Variants in DOP1B observed in about 807,000 individuals in gnomAD.
DOP1B encodes the protein protein DOP1B.
DOP1B carries 174 observed loss-of-function variants against 233.5 expected under a neutral mutation model. That is an observed-to-expected ratio of 0.75 (90% CI 0.66 to 0.85). DOP1B has a LOEUF of 0.85. Ranked by LOEUF, DOP1B falls within the 40% of genes least tolerant of loss-of-function variation. DOP1B has a pLI of 0.00. For missense variants in DOP1B, 2,652 were observed against 2,846.6 expected, an observed-to-expected ratio of 0.93 and a Z score of 1.56; for synonymous variants, 1,190 against 1,185.6, an observed-to-expected ratio of 1.00 and a Z score of -0.08.
chr21:36,240,099 A>C lies in DOP1B; in HGVS notation c.3067+144A>C, dbSNP rs2066876255. The C allele has an allele frequency of 5.2e-6, 5 of 959,046 alleles. No individual in the cohort carries two copies. The South Asian group carries it at 8.9e-5, about 17-fold the overall frequency. 59.4% of individuals were successfully genotyped at this position (959,046 alleles called of 1,614,324 possible). ...TTTGTAAATTGTGAGGACTTCGGCA[A>C]TTTAAGGACCTAGTGATCTAGCATT... On this transcript the variant is annotated intron_variant, in intron 18 of 36. Transcript: ENST00000691173.
intron 2 of DOP1B, among the ~76,000 whole-genome samples, chr21:36,176,108 G>GTGTGTGTGTGCGTGTA (rs2066026523): frequency 1.3e-5 from 2 of 151,916 alleles, no homozygotes; most frequent in African/African-American, 2.4e-5. Flanking sequence ...GTGTGTGTGT[G>GTGTGTGTGTGCGTGTA]TGTGTGTGTG....
At chr21:36,167,997 G>A (rs1227516078) in intron 2 of DOP1B, among the ~76,000 whole-genome samples, 2 of 125,770 alleles carry the variant, frequency 1.6e-5, no homozygotes, top group African/African-American at 6.2e-5. Context: ...AGGCTGAAGT[G>A]CAGTGGCACA....
At chr21:36,277,323 G>A (rs1271252453) in intron 28 of DOP1B, among the ~76,000 whole-genome samples, 1 of 151,892 alleles carries the variant, frequency 6.6e-6, no homozygotes, top group Non-Finnish European at 1.5e-5. Flanking sequence ...TTGCTCTGTT[G>A]CCAGGCTGGA....
At position 36,164,812 on chromosome 21, in the gene DOP1B, A is replaced by G; in HGVS notation, c.79A>G (p.Asn27Asp). 1 of 1,612,666 alleles carries G rather than the reference A, an allele frequency of 6.2e-7. No homozygotes were observed. Among genetic ancestry groups the G allele is most frequent in the Non-Finnish European group, 8.5e-7 (1 of 1,179,394 alleles). ...YSSVIEKALR[N>D]FESSSEWADL... ...TTCAGTGATTGAAAAGGCTTTGAGA[A>G]ATTTTGAGTCCTCGAGTGAATGGGC... The change falls in exon 2 of 37, where the codon AAT becomes GAT. Residue 27 changes from asparagine (N) to aspartate (D), a missense_variant. Asn to Asp is a conservative substitution (Grantham distance 23). This residue lies in a region of DOP1B where 2,617 missense variants were observed against 2,794.3 expected (regional missense o/e 0.94). Coordinates refer to ENST00000691173, the MANE Select transcript of DOP1B (RefSeq NM_001320714.2).
intron 1 of DOP1B, among the ~76,000 whole-genome samples, chr21:36,164,088 C>T (rs1232639609): frequency 6.6e-6 from 1 of 152,114 alleles, no homozygotes; most frequent in African/African-American, 2.4e-5. Context: ...TACAGTGTTA[C>T]CATGAACAAA....
At chr21:36,255,278 C>T (rs145857984) in intron 23 of DOP1B, among the ~76,000 whole-genome samples, 14,060 of 151,406 alleles carry the variant, frequency 0.093, 894 homozygotes, top group East Asian at 0.26. Context: ...ATTACAGGTG[C>T]GCACCACCAA....
intron 2 of DOP1B, among the ~76,000 whole-genome samples, chr21:36,176,097 C>CATGTGTGTGTGTGTGTGTGT (rs1555886144): frequency 0.028 from 3,901 of 141,810 alleles, 67 homozygotes; most frequent in African/African-American, 0.044. Context: ...GGTGTGTGTG[C>CATGTGTGTGTGTGTGTGTGT]GTGTGTGTGT....
At chr21:36,188,021 G>C (rs1356709027) in intron 2 of DOP1B, among the ~76,000 whole-genome samples, 1 of 152,094 alleles carries the variant, frequency 6.6e-6, no homozygotes. Context: ...GAAAAAAAAA[G>C]CATATTCTAA....
intron 3 of DOP1B, 136 bp from the exon 4 acceptor site, chr21:36,200,195 C>A: frequency 8.7e-7 from 1 of 1,149,526 alleles, no homozygotes; most frequent in Non-Finnish European, 1.2e-6. Context: ...CATCTCATGT[C>A]ATACCCACAC....
chr21:36,207,624 G>A (rs561806809), intron 4 of DOP1B, among the ~76,000 whole-genome samples: 19 of 151,570 alleles, frequency 1.3e-4, no homozygotes, highest in Non-Finnish European at 2.4e-4. Context: ...CTGGTCCTAG[G>A]TCCTGCATCT....
At chr21:36,207,500 T>C (rs971619458) in intron 4 of DOP1B, among the ~76,000 whole-genome samples, 3 of 66,812 alleles carry the variant, frequency 4.5e-5, no homozygotes, top group African/African-American at 2.8e-4. Context: ...GTTTTTTTTG[T>C]TTTTTTTTTT....
chr21:36,246,649 G>A lies in DOP1B; in HGVS notation c.4669G>A (p.Glu1557Lys). Residue 1557 changes from glutamate to lysine, a missense_variant, in exon 19 of 37, where the codon GAA becomes AAA. Transcript: ENST00000691173. The surrounding 1 kb of genome is among the most constrained non-coding windows in gnomAD (Gnocchi z 5.1). ...CTTGGATGACTTGGTCAAGCAGTAT[G>A]AAAGCGAATCTGTGAAGCTCTCTGT... Reference protein sequence around the residue: ...KNLDDLVKQYESESVKLSVST... With the variant: ...KNLDDLVKQYKSESVKLSVST... The A allele has an allele frequency of 6.2e-7, 1 of 1,612,698 alleles. No individual in the cohort carries two copies. Among genetic ancestry groups the A allele is most frequent in the Non-Finnish European group, 8.5e-7 (1 of 1,178,894 alleles).
Position 36,228,860 on chromosome 21 carries a change from A to C in DOP1B, c.1665+983A>C, listed in dbSNP as rs547135411. Among the ~76,000 whole-genome samples, 42 of 152,236 alleles carry C rather than the reference A, an allele frequency of 2.8e-4. No individual in the cohort carries two copies. In the South Asian group the frequency reaches 7.3e-3, roughly 26 times the overall value. On this transcript the variant is annotated intron_variant, in intron 13 of 36. Transcript: ENST00000691173. ...GTGGTGTTCACCTGTAGTTCCATCT[A>C]CTCAGGAGGCTGAGGTGGGAGGATC...
chr21:36,279,173 G>A (rs1249323388), intron 30 of DOP1B, among the ~76,000 whole-genome samples: 20 of 151,740 alleles, frequency 1.3e-4, no homozygotes, highest in Non-Finnish European at 5.9e-5. Flanking sequence ...CATTTTGGGA[G>A]GCTTAGGCAG....
At chr21:36,192,182 A>G (rs2066241232) in intron 2 of DOP1B, among the ~76,000 whole-genome samples, 1 of 151,982 alleles carries the variant, frequency 6.6e-6, no homozygotes, top group African/African-American at 2.4e-5. Flanking sequence ...AACATGGCGA[A>G]ACCCCATCTC....
At chr21:36,273,378 G>C (rs2067313004) in intron 27 of DOP1B, among the ~76,000 whole-genome samples, 1 of 151,978 alleles carries the variant, frequency 6.6e-6, no homozygotes, top group South Asian at 2.1e-4. Context: ...CTGCACTCCA[G>C]TCTGGGCAAC....
intron 26 of DOP1B, among the ~76,000 whole-genome samples, chr21:36,269,414 C>G (rs2067262596): frequency 6.6e-6 from 1 of 151,944 alleles, no homozygotes; most frequent in Non-Finnish European, 1.5e-5. Flanking sequence ...CTCAGCCTCC[C>G]AAAATGCTGA....
intron 6 of DOP1B, 86 bp downstream of exon 6, chr21:36,211,737 C>A: frequency 7.0e-7 from 1 of 1,427,988 alleles, no homozygotes; most frequent in Non-Finnish European, 9.8e-7. Flanking sequence ...CGTACGAGGA[C>A]AGCTCAGCCA....
chr21:36,283,044 TCA>T (rs35678547), intron 32 of DOP1B, among the ~76,000 whole-genome samples: 4,738 of 150,408 alleles, frequency 0.032, 102 homozygotes, highest in Non-Finnish European at 0.046. Context: ...TTTTTCCTTC[TCA>T]TAAAATGTTC....
Sources: allele counts gnomAD v4.1 joint callset (sites outside exome capture counted in the v4.1 genomes callset), GRCh38; gene constraint gnomAD v4.1.1; regional missense constraint gnomAD v4.1.1; non-coding constraint Gnocchi (gnomAD v3.1); transcripts MANE v1.5; gene names NCBI Gene and HGNC (gene_info 2026-07-23, HGNC 2026-07-21).